Variants in BPHL observed in about 807,000 individuals in gnomAD.
BPHL encodes biphenyl hydrolase like.
Under a neutral mutation model 31.2 loss-of-function variants are expected in BPHL, and 27 were observed. The observed-to-expected ratio is 0.87, with a 90% CI of 0.64 to 1.19. The LOEUF (loss-of-function observed/expected upper bound fraction) is 1.19. Ranked by LOEUF, BPHL falls within the 50% of genes most tolerant of loss-of-function variation. The pLI is 0.00. For synonymous variants in BPHL, 150 were observed against 146.8 expected (o/e 1.02, Z -0.16); for missense variants, 356 against 375.7 (o/e 0.95, Z 0.43).
At chr6:3,151,784 C>T (rs1762531033) in intron 6 of BPHL, among the ~76,000 whole-genome samples, 2 of 152,190 alleles carry the variant, frequency 1.3e-5, no homozygotes, top group Admixed American at 6.5e-5. Flanking sequence ...GTAAATCTGT[C>T]CCATTTGATC....
At chr6:3,142,659 T>G (rs1226010974) in intron 6 of BPHL, among the ~76,000 whole-genome samples, 1 of 152,206 alleles carries the variant, frequency 6.6e-6, no homozygotes, top group Non-Finnish European at 1.5e-5. Context: ...TCTTAGATTT[T>G]TCTCCTAATA....
At position 3,127,873 on chromosome 6, in the gene BPHL, T is replaced by C. The variant is rs1277827072; in HGVS notation, c.378+465T>C. Among the ~76,000 whole-genome samples, 12 of 151,498 alleles carry C rather than the reference T, an allele frequency of 7.9e-5. No individual in the cohort carries two copies. In the South Asian group the frequency reaches 2.5e-3, roughly 32 times the overall value. ...TGTTGCTCTGTCACCCAGGCTGGAG[T>C]GCGGTGGCGCAATCTTGGCTCACTG... On this transcript the variant is annotated intron_variant, in intron 3 of 6. Transcript: ENST00000380379.
At chr6:3,151,514 C>G (rs1762523139) in intron 6 of BPHL, among the ~76,000 whole-genome samples, 2 of 152,254 alleles carry the variant, frequency 1.3e-5, no homozygotes, top group South Asian at 4.1e-4. Flanking sequence ...AAGCACAGCT[C>G]CCTGCCCCAC....
chr6:3,147,663 T>A (rs1465060221), intron 6 of BPHL, among the ~76,000 whole-genome samples: 1 of 152,058 alleles, frequency 6.6e-6, no homozygotes, highest in African/African-American at 2.4e-5. Flanking sequence ...TATATATAGG[T>A]AGAAAAAAGA....
intron 1 of BPHL, among the ~76,000 whole-genome samples, chr6:3,120,710 A>G (rs79444131): frequency 0.043 from 6,600 of 152,328 alleles, 452 homozygotes; most frequent in African/African-American, 0.14. Context: ...GGGTCAGGTC[A>G]AGAAAAGCCT....
chr6:3,151,694 C>T (rs1762528747), intron 6 of BPHL, among the ~76,000 whole-genome samples: 1 of 152,200 alleles, frequency 6.6e-6, no homozygotes, highest in Non-Finnish European at 1.5e-5. Flanking sequence ...AGAAGCTTTA[C>T]CACTTTTACT....
intron 6 of BPHL, 51 bp from the exon 7 acceptor site, chr6:3,152,437 G>A (rs745984677): frequency 6.6e-7 from 1 of 1,512,354 alleles, no homozygotes; most frequent in South Asian, 1.1e-5. Context: ...TGAGGGGTTT[G>A]TTCTTAAGTG....
At chr6:3,132,798 T>C (rs1339329385) in intron 4 of BPHL, among the ~76,000 whole-genome samples, 2 of 152,118 alleles carry the variant, frequency 1.3e-5, no homozygotes, top group Non-Finnish European at 2.9e-5. Context: ...ACCACTGCAC[T>C]GTAGCTTGGG....
intron 6 of BPHL, among the ~76,000 whole-genome samples, chr6:3,141,760 G>T (rs1762184392): frequency 6.6e-6 from 1 of 152,100 alleles, no homozygotes; most frequent in Non-Finnish European, 1.5e-5. Context: ...GTTCACTTGA[G>T]GCCAGGAGTT....
intron 4 of BPHL, among the ~76,000 whole-genome samples, chr6:3,129,574 C>G (rs955862598): frequency 1.3e-5 from 2 of 151,986 alleles, no homozygotes; most frequent in African/African-American, 4.8e-5. Flanking sequence ...TTTGGGAGCT[C>G]AAGGCAGAAG....
chr6:3,135,372 C>T (rs185791903), intron 4 of BPHL, among the ~76,000 whole-genome samples: 44 of 152,312 alleles, frequency 2.9e-4, no homozygotes, highest in African/African-American at 1.0e-3. Context: ...GTTTCCTGTC[C>T]GTCTACGTGG....
chr6:3,142,070 A>G (rs192360424), intron 6 of BPHL, among the ~76,000 whole-genome samples: 5 of 152,280 alleles, frequency 3.3e-5, no homozygotes, highest in African/African-American at 1.2e-4. Flanking sequence ...TGGTCATGGT[A>G]CAAAATTCCA....
chr6:3,137,981 T>C (rs1351626851), intron 5 of BPHL: 144 of 1,280,284 alleles, frequency 1.1e-4, no homozygotes, highest in Non-Finnish European at 1.4e-4. Flanking sequence ...TCTTCAGAAC[T>C]AAGTGATATG....
At chr6:3,119,336 G>A in intron 1 of BPHL, 1 of 1,554,988 alleles carries the variant, frequency 6.4e-7, no homozygotes, top group Non-Finnish European at 8.7e-7. Flanking sequence ...GGTCCCGAGA[G>A]CCCTAAGTCT....
intron 6 of BPHL, among the ~76,000 whole-genome samples, chr6:3,142,339 G>A (rs568523683): frequency 6.4e-4 from 98 of 152,020 alleles, no homozygotes; most frequent in African/African-American, 2.3e-3. Flanking sequence ...GGATGGTCTC[G>A]ATCTCTTGAC....
intron 5 of BPHL, chr6:3,138,765 C>T (rs1266691638): frequency 6.6e-6 from 1 of 152,112 alleles, no homozygotes; most frequent in East Asian, 1.9e-4. Context: ...TTAAAGAGGG[C>T]ACATTTGTAA....
intron 6 of BPHL, among the ~76,000 whole-genome samples, chr6:3,144,193 G>A (rs1025932492): frequency 2.0e-5 from 3 of 151,072 alleles, no homozygotes; most frequent in South Asian, 4.2e-4. Context: ...TCAGCCTCCC[G>A]AGTAGCTGGG....
chr6:3,138,108 T>A, intron 5 of BPHL: 1 of 832,024 alleles, frequency 1.2e-6, no homozygotes, highest in Non-Finnish European at 1.7e-6. Flanking sequence ...AATCTCTGTC[T>A]CCTGGGTTCA....
intron 1 of BPHL, among the ~76,000 whole-genome samples, chr6:3,122,215 A>G (rs902995708): frequency 1.3e-5 from 2 of 152,234 alleles, no homozygotes; most frequent in Admixed American, 6.5e-5. Context: ...GGGAGGTGGA[A>G]CTTGCAGTGA....
Sources: gnomAD v4.1 joint callset for allele counts (sites outside exome capture counted in the v4.1 genomes callset) on GRCh38, gnomAD v4.1.1 for gene constraint, MANE v1.5 for transcripts, NCBI Gene and HGNC (gene_info 2026-07-23, HGNC 2026-07-21) for gene names.